Variants in DTD1 observed in about 807,000 individuals in gnomAD.
DTD1 encodes D-aminoacyl-tRNA deacylase 1, also known as D-tyrosyl-tRNA deacylase 1 homolog.
Under a neutral mutation model 25.6 loss-of-function variants are expected in DTD1, and 13 were observed. The observed-to-expected ratio is 0.51, with a 90% CI of 0.33 to 0.81. The LOEUF is 0.81. DTD1 is among the 30% of genes least tolerant of loss of function. The pLI, the probability that DTD1 is intolerant of heterozygous loss-of-function variation, is 0.02. For synonymous variants in DTD1, 110 were observed against 103.6 expected (o/e 1.06, Z -0.37); for missense variants, 193 against 266.4 (o/e 0.72, Z 1.92).
rs568768397 is a variant in DTD1 at position 18,744,229 on chromosome 20, G to A, written c.607G>A (p.Val203Met). The A allele has an allele frequency of 2.5e-6, 4 of 1,612,220 alleles. No homozygotes were observed. Among genetic ancestry groups the A allele is most frequent in the South Asian group, 1.1e-5 (1 of 90,996 alleles). Reference sequence around the variant, plus strand: ...TGCCAGCAGCGGGGCTGAGGGCGACGTGTCCTCTGAACGGGAGCCGTAGCT... The same window carrying A: ...TGCCAGCAGCGGGGCTGAGGGCGACATGTCCTCTGAACGGGAGCCGTAGCT... ...RSASSGAEGD[V>M]SSEREP The change falls in exon 5 of 6, where the codon GTG (valine) becomes ATG (methionine). Residue 203 changes from valine to methionine, a missense_variant. By Grantham distance (21) the Val-to-Met change is conservative. Coordinates refer to ENST00000377452, the MANE Select transcript of DTD1 (RefSeq NM_080820.6).
chr20:18,741,880 G>A (rs1406951), intron 4 of DTD1, among the ~76,000 whole-genome samples: 148,240 of 148,468 alleles, frequency 1, 74,007 homozygotes, highest in Non-Finnish European at 1. Context: ...GTGCCACCAC[G>A]CCTGGCTAAC....
chr20:18,645,749 C>A (rs1386040316), intron 4 of DTD1, among the ~76,000 whole-genome samples: 1 of 152,172 alleles, frequency 6.6e-6, no homozygotes, highest in Non-Finnish European at 1.5e-5. Context: ...TGGCCTTCAG[C>A]CTGAAAAATA....
At chr20:18,602,931 CT>C (rs1254116168) in intron 3 of DTD1, among the ~76,000 whole-genome samples, 1 of 114,678 alleles carries the variant, frequency 8.7e-6, no homozygotes, top group Admixed American at 9.0e-5. Context: ...ACAATATTAA[CT>C]TTAAATGTAA....
intron 4 of DTD1, among the ~76,000 whole-genome samples, chr20:18,727,372 A>G (rs6081326): frequency 0.83 from 125,999 of 151,958 alleles, 53,355 homozygotes; most frequent in Non-Finnish European, 0.93. Flanking sequence ...AGGAGGGTTT[A>G]GAATTCCTGG....
intron 3 of DTD1, among the ~76,000 whole-genome samples, chr20:18,626,307 A>T (rs1369515414): frequency 6.6e-6 from 1 of 152,182 alleles, no homozygotes; most frequent in East Asian, 1.9e-4. Flanking sequence ...CCAGAGGGGC[A>T]TGGACACCAG....
At chr20:18,589,186 A>T (rs1399922212) in intron 1 of DTD1, among the ~76,000 whole-genome samples, 5 of 152,104 alleles carry the variant, frequency 3.3e-5, no homozygotes, top group African/African-American at 1.2e-4. Context: ...CCCTATCTCT[A>T]CTACAAATAC....
At chr20:18,692,643 A>T (rs181980162) in intron 4 of DTD1, among the ~76,000 whole-genome samples, 1 of 152,320 alleles carries the variant, frequency 6.6e-6, no homozygotes, top group East Asian at 1.9e-4. Flanking sequence ...GGCTGGAGTC[A>T]GGAGGAGCCC....
chr20:18,660,307 C>T (rs989526119), intron 4 of DTD1, among the ~76,000 whole-genome samples: 1 of 152,178 alleles, frequency 6.6e-6, no homozygotes, highest in East Asian at 1.9e-4. Context: ...GCAGCCTCAA[C>T]CTCCCAGACT....
At chr20:18,628,925 T>G (rs6136444) in intron 4 of DTD1, among the ~76,000 whole-genome samples, 13,812 of 150,708 alleles carry the variant, frequency 0.092, 748 homozygotes, top group South Asian at 0.14. Flanking sequence ...TGATGGCCAG[T>G]GATGCGGCAG....
chr20:18,635,617 A>G (rs1311457514), intron 4 of DTD1, among the ~76,000 whole-genome samples: 4 of 152,198 alleles, frequency 2.6e-5, no homozygotes, highest in African/African-American at 9.7e-5. Context: ...GCCTGGGGGA[A>G]TGCCTGCCTA....
intron 5 of DTD1, among the ~76,000 whole-genome samples, chr20:18,748,320 A>G (rs1439728751): frequency 6.6e-6 from 1 of 152,166 alleles, no homozygotes; most frequent in East Asian, 1.9e-4. Flanking sequence ...TATAAATTTA[A>G]TGTCTTGATT....
chr20:18,710,871 G>A (rs1002556048), intron 4 of DTD1, among the ~76,000 whole-genome samples: 8 of 152,244 alleles, frequency 5.3e-5, no homozygotes, highest in East Asian at 1.9e-4. Context: ...TCATGGGCCC[G>A]TTTTCCCTGT....
chr20:18,753,626 G>A (rs151184458), intron 5 of DTD1, among the ~76,000 whole-genome samples: 733 of 41,388 alleles, frequency 0.018, 3 homozygotes, highest in Non-Finnish European at 0.033. Context: ...AAAAAAAGAC[G>A]TTGATATATA....
chr20:18,732,156 G>T (rs529741305), intron 4 of DTD1, among the ~76,000 whole-genome samples: 2 of 152,276 alleles, frequency 1.3e-5, no homozygotes, highest in Non-Finnish European at 1.5e-5. Flanking sequence ...TTTATACAAG[G>T]TATAGACCAA....
chr20:18,699,932 C>T (rs2061096675), intron 4 of DTD1, among the ~76,000 whole-genome samples: 1 of 152,162 alleles, frequency 6.6e-6, no homozygotes, highest in Non-Finnish European at 1.5e-5. Context: ...TAGTAGTGAT[C>T]AAAACCAGCA....
At chr20:18,620,103 T>C (rs955346459) in intron 3 of DTD1, 4 of 152,218 alleles carry the variant, frequency 2.6e-5, no homozygotes, top group African/African-American at 9.6e-5. Flanking sequence ...TTTACTATGC[T>C]TTCCTACCAG....
Position 18,630,579 on chromosome 20 carries a change from G to T in DTD1, c.477+2346G>T, listed in dbSNP as rs1188442064. 3.3e-5 allele frequency: 5 copies of T among 152,200 alleles called. No homozygotes were observed. The East Asian group carries it at 9.7e-4, about 29-fold the overall frequency. 9.4% of individuals were successfully genotyped at this position (152,200 alleles called of 1,614,324 possible). A position where few individuals can be genotyped will look rare whatever the true frequency, so the allele number is the denominator to read the frequency against. ...GGGTTTTACCATGTTAGCCAGGATG[G>T]TCTCGATCTCCTGCCCTGGTGATCC... On this transcript the variant is annotated intron_variant, in intron 4 of 5. Coordinates refer to ENST00000377452, the MANE Select transcript of DTD1 (RefSeq NM_080820.6).
At chr20:18,639,093 G>A (rs908643812) in intron 4 of DTD1, among the ~76,000 whole-genome samples, 2 of 151,664 alleles carry the variant, frequency 1.3e-5, no homozygotes, top group African/African-American at 2.4e-5. Context: ...TGGACATCAA[G>A]GAGTGCGATG....
intron 5 of DTD1, among the ~76,000 whole-genome samples, chr20:18,746,037 G>T (rs1040807276): frequency 2.4e-4 from 36 of 151,818 alleles, no homozygotes; most frequent in African/African-American, 8.5e-4. Flanking sequence ...TTTCAACGTG[G>T]TGACTGATTA....
Sources: allele counts gnomAD v4.1 joint callset (sites outside exome capture counted in the v4.1 genomes callset), GRCh38; gene constraint gnomAD v4.1.1; transcripts MANE v1.5; gene names NCBI Gene and HGNC (gene_info 2026-07-23, HGNC 2026-07-21).